The following PCMTD1 variants were observed in gnomAD, a reference collection of about 807,000 sequenced individuals.
PCMTD1 encodes protein-L-isoaspartate (D-aspartate) O-methyltransferase domain containing 1.
In PCMTD1, 12 loss-of-function variants were observed where a neutral mutation model predicts 37.6. That is an observed-to-expected ratio of 0.32 (90% CI 0.20 to 0.52). The LOEUF (loss-of-function observed/expected upper bound fraction) is 0.52, where lower values mean the gene tolerates loss of function less well. Ranked by LOEUF, PCMTD1 falls within the 20% of genes least tolerant of loss-of-function variation. The pLI, the probability that PCMTD1 is intolerant of heterozygous loss-of-function variation, is 0.97. For synonymous variants in PCMTD1, 117 were observed against 135.8 expected (o/e 0.86, Z 0.96); for missense variants, 235 against 421.3 (o/e 0.56, Z 3.87).
intron 1 of PCMTD1, among the ~76,000 whole-genome samples, chr8:51,892,385 T>C (rs2038948665): frequency 6.6e-6 from 1 of 152,174 alleles, no homozygotes; most frequent in African/African-American, 2.4e-5. Flanking sequence ...CCATCACCAC[T>C]ACCATCCCAA....
chr8:51,859,964 G>A (rs2038447755), intron 2 of PCMTD1, among the ~76,000 whole-genome samples: 1 of 152,016 alleles, frequency 6.6e-6, no homozygotes, highest in Non-Finnish European at 1.5e-5. Flanking sequence ...ATGCCACACA[G>A]TAGCGGCCAG....
intron 2 of PCMTD1, among the ~76,000 whole-genome samples, chr8:51,851,658 CTT>C (rs11287024): frequency 8.4e-4 from 120 of 142,464 alleles, no homozygotes; most frequent in Admixed American, 1.3e-3. Context: ...GACTCAAATT[CTT>C]TTTTTTTTTT....
At chr8:51,881,315 A>G (rs954414828) in intron 1 of PCMTD1, among the ~76,000 whole-genome samples, 9 of 152,166 alleles carry the variant, frequency 5.9e-5, no homozygotes, top group Admixed American at 5.9e-4. Context: ...ATGCCCAGCA[A>G]TATCTCTTGT....
At chr8:51,823,566 G>C (rs995365850) in intron 5 of PCMTD1, among the ~76,000 whole-genome samples, 5 of 152,066 alleles carry the variant, frequency 3.3e-5, no homozygotes, top group Non-Finnish European at 7.4e-5. Context: ...ATTCCTTAAC[G>C]GTCTCATTTC....
chr8:51,875,810 C>T (rs2038703220), intron 1 of PCMTD1, among the ~76,000 whole-genome samples: 2 of 152,044 alleles, frequency 1.3e-5, no homozygotes, highest in Admixed American at 1.3e-4. Context: ...CACATACCTG[C>T]AGTCCCAGCT....
In PCMTD1 at chr8:51,855,194, C is replaced by CA. The variant is rs796828311; in HGVS notation, c.307+5650dup. On this transcript the variant is annotated intron_variant, in intron 2 of 5. Transcript: ENST00000522514. ...CATCTCAAAAAAAAAAAAAAACAAA[C>CA]AAAAAAAAAACATAATTTATAATTC... Among the ~76,000 whole-genome samples the CA allele has an allele frequency of 6.1e-4, 55 of 89,856 alleles. No individual in the cohort carries two copies. The South Asian group carries it at 0.011, about 18-fold the overall frequency. The allele number at this position is 89,856 out of a possible 152,430, so 58.9% of individuals were successfully genotyped here. A position where few individuals can be genotyped will look rare whatever the true frequency, so the allele number is the denominator to read the frequency against.
At chr8:51,851,109 G>A (rs1481345195) in intron 2 of PCMTD1, among the ~76,000 whole-genome samples, 3 of 152,128 alleles carry the variant, frequency 2.0e-5, no homozygotes, top group Admixed American at 1.3e-4. Flanking sequence ...ATATCACATG[G>A]GGAAAAACAT....
At chr8:51,823,569 C>T (rs111549091) in intron 5 of PCMTD1, among the ~76,000 whole-genome samples, 1 of 152,196 alleles carries the variant, frequency 6.6e-6, no homozygotes, top group Non-Finnish European at 1.5e-5. Flanking sequence ...CCTTAACGGT[C>T]TCATTTCCAA....
At chr8:51,898,850 C>T in intron 1 of PCMTD1, 80 bp downstream of exon 1, 3 of 1,220,698 alleles carry the variant, frequency 2.5e-6, no homozygotes, top group South Asian at 3.6e-5. Context: ...CCTCCAAGCG[C>T]ATCCCAGTCG....
chr8:51,895,760 T>A (rs896740412), intron 1 of PCMTD1, among the ~76,000 whole-genome samples: 1 of 152,090 alleles, frequency 6.6e-6, no homozygotes, highest in African/African-American at 2.4e-5. Context: ...ACATCCAACA[T>A]CCAATGTTAC....
intron 3 of PCMTD1, among the ~76,000 whole-genome samples, chr8:51,835,988 CTATT>C (rs1253976687): frequency 6.6e-6 from 1 of 152,224 alleles, no homozygotes; most frequent in Non-Finnish European, 1.5e-5. Context: ...CAGTCAAATA[CTATT>C]TATTGAGCAC....
chr8:51,839,395 G>T, intron 3 of PCMTD1: 1 of 933,818 alleles, frequency 1.1e-6, no homozygotes, highest in Non-Finnish European at 1.3e-6. Context: ...AGATATCTCG[G>T]TTTAGAACAT....
rs527617823 is a variant in PCMTD1, at chr8:51,868,123, T to A, written c.-95-6877A>T. On this transcript the variant is annotated intron_variant, in intron 1 of 5. Transcript: ENST00000522514. ...CAATTATTCTTTGCTAAAGATTAAA[T>A]AGGATTTTAAGGAAAAACCAAAACT... 1.1e-3 allele frequency among the ~76,000 whole-genome samples: 173 copies of A among 152,272 alleles called. 1 individual carries two copies. The highest frequency in any genetic ancestry group is 2.2e-3 in the Non-Finnish European group (152 of 67,992).
At chr8:51,879,613 A>C (rs7013587) in intron 1 of PCMTD1, among the ~76,000 whole-genome samples, 104,606 of 152,190 alleles carry the variant, frequency 0.69, 42,411 homozygotes, top group Non-Finnish European at 0.9. Flanking sequence ...CTCAGTCACA[A>C]AACACCTGCC....
upstream of PCMTD1, chr8:51,899,128 G>C (rs1457874326): frequency 3.6e-6 from 5 of 1,395,504 alleles, no homozygotes; most frequent in South Asian, 5.9e-5. Context: ...AGAACCACGG[G>C]CACAGGGGCA....
intron 1 of PCMTD1, among the ~76,000 whole-genome samples, chr8:51,896,792 G>A (rs573458466): frequency 1.3e-4 from 20 of 151,114 alleles, no homozygotes; most frequent in African/African-American, 4.1e-4. Context: ...AAACCGTAAG[G>A]GCAACAATTT....
chr8:51,847,377 A>T (rs2038237419), intron 2 of PCMTD1, among the ~76,000 whole-genome samples: 1 of 152,260 alleles, frequency 6.6e-6, no homozygotes, highest in Non-Finnish European at 1.5e-5. Flanking sequence ...CTGTAATCCC[A>T]GCACTTTGGG....
chr8:51,864,119 C>CGCGTTAA (rs1250387164), intron 1 of PCMTD1, among the ~76,000 whole-genome samples: 17 of 151,980 alleles, frequency 1.1e-4, no homozygotes, highest in Admixed American at 1.1e-3. Context: ...ACTATACTTC[C>CGCGTTAA]ATCAGACAAA....
At chr8:51,843,134 AT>A (rs2038171168) in intron 3 of PCMTD1, among the ~76,000 whole-genome samples, 1 of 150,332 alleles carries the variant, frequency 6.7e-6, no homozygotes, top group African/African-American at 2.5e-5. Flanking sequence ...GAACAATATC[AT>A]TTTTATAATT....
Sources: allele counts gnomAD v4.1 joint callset (sites outside exome capture counted in the v4.1 genomes callset), GRCh38; gene constraint gnomAD v4.1.1; transcripts MANE v1.5; gene names NCBI Gene and HGNC (gene_info 2026-07-23, HGNC 2026-07-21).